The following KCTD15 variants were observed in gnomAD, a reference collection of about 807,000 sequenced individuals.
KCTD15 encodes potassium channel tetramerization domain containing 15.
Under a neutral mutation model 27.2 loss-of-function variants are expected in KCTD15, and 11 were observed. The ratio of observed to expected loss-of-function variants is 0.41; its 90% CI spans 0.25 to 0.67. The LOEUF (loss-of-function observed/expected upper bound fraction) is 0.67, where lower values mean the gene tolerates loss of function less well. Ranked by LOEUF, KCTD15 falls within the 30% of genes least tolerant of loss-of-function variation. KCTD15 has a pLI of 0.35. For missense variants in KCTD15, 350 were observed against 409.3 expected, an observed-to-expected ratio of 0.86 and a Z score of 1.25; for synonymous variants, 163 against 176.0, an observed-to-expected ratio of 0.93 and a Z score of 0.58.
rs111945028 is a variant in KCTD15, at chr19:33,806,793, G to A, written c.243-70G>A. 4.2e-5 allele frequency: 66 copies of A among 1,557,534 alleles called. 2 individuals carry two copies. In the African/African-American group the frequency reaches 6.1e-4, roughly 14 times the overall value. On this transcript the variant is annotated intron_variant, in intron 4 of 6. Transcript: ENST00000683859. Reference sequence around the variant, plus strand: ...GCCGTGTGGGCCCTCAGGAGTGGGGGCGGGGTGTGGGAAGACAGGCAGACT... The same window carrying A: ...GCCGTGTGGGCCCTCAGGAGTGGGGACGGGGTGTGGGAAGACAGGCAGACT...
chr19:33,812,429 C>T (rs1975955088), intron 6 of KCTD15: 1 of 1,066,106 alleles, frequency 9.4e-7, no homozygotes, highest in East Asian at 6.9e-5. Context: ...AGGGAGGACA[C>T]TTGGGGCCAT....
chr19:33,812,371 G>A (rs1975951980), intron 6 of KCTD15: 3 of 1,026,610 alleles, frequency 2.9e-6, no homozygotes, highest in Non-Finnish European at 3.5e-6. Flanking sequence ...GCTGGTGGAT[G>A]CCTAGAGGCT....
chr19:33,801,457 G>A, intron 4 of KCTD15, 115 bp downstream of exon 4: 2 of 919,192 alleles, frequency 2.2e-6, no homozygotes, highest in Non-Finnish European at 3.2e-6. Context: ...AGGGTCTCCA[G>A]GGTGCACAAG....
upstream of KCTD15, among the ~76,000 whole-genome samples, chr19:33,794,771 T>C (rs1343029719): frequency 6.6e-6 from 1 of 152,272 alleles, no homozygotes; most frequent in Non-Finnish European, 1.5e-5. Flanking sequence ...TTTCTATTTG[T>C]GTCTGGTCCC....
intron 4 of KCTD15, chr19:33,801,652 G>A (rs1264977381): frequency 3.6e-6 from 1 of 275,302 alleles, no homozygotes; most frequent in Non-Finnish European, 6.8e-6. Context: ...CAGCGGGCAG[G>A]GGAGTCTCAC....
chr19:33,808,691 CT>C (rs1218034280), intron 5 of KCTD15, among the ~76,000 whole-genome samples: 1 of 117,142 alleles, frequency 8.5e-6, no homozygotes, highest in Non-Finnish European at 1.7e-5. Context: ...ATCTCTCTGG[CT>C]GTTGGGTGGG....
intron 1 of KCTD15, among the ~76,000 whole-genome samples, chr19:33,797,573 G>A (rs1975379801): frequency 6.6e-6 from 1 of 152,110 alleles, no homozygotes; most frequent in African/African-American, 2.4e-5. Context: ...GGCCGCGATG[G>A]GAGGGATCGC....
At chr19:33,800,302 G>A (rs937334458) in intron 2 of KCTD15, 126 bp from the exon 3 acceptor site, 5 of 719,828 alleles carry the variant, frequency 6.9e-6, no homozygotes, top group African/African-American at 5.2e-5. Flanking sequence ...GTCAATCAGG[G>A]AGGGCTGCAT....
At chr19:33,806,481 TG>T (rs1339433727) in intron 4 of KCTD15, among the ~76,000 whole-genome samples, 1 of 152,142 alleles carries the variant, frequency 6.6e-6, no homozygotes, top group Admixed American at 6.5e-5. Flanking sequence ...ATTTTCTGGG[TG>T]GGTCTATCTG....
chr19:33,810,157 G>A (rs529276645), intron 5 of KCTD15, among the ~76,000 whole-genome samples: 30 of 152,326 alleles, frequency 2.0e-4, no homozygotes, highest in Non-Finnish European at 2.4e-4. Flanking sequence ...GGGTGTGTGT[G>A]AGCGTGTATA....
At chr19:33,805,314 T>C (rs1001778341) in intron 4 of KCTD15, among the ~76,000 whole-genome samples, 2 of 152,134 alleles carry the variant, frequency 1.3e-5, no homozygotes, top group African/African-American at 2.4e-5. Flanking sequence ...GGCTGATGCA[T>C]TGAGTGTGCT....
intron 2 of KCTD15, 117 bp from the exon 3 acceptor site, chr19:33,800,311 A>T: frequency 1.3e-6 from 1 of 796,552 alleles, no homozygotes; most frequent in Non-Finnish European, 2.1e-6. Flanking sequence ...GGAGGGCTGC[A>T]TGGACCTCGC....
At position 33,814,341 on chromosome 19, in the gene KCTD15, C is replaced by T. The variant is rs188912135; in HGVS notation, c.*1393C>T. The T allele has an allele frequency of 1.3e-5, 2 of 152,358 alleles. No individual in the cohort carries two copies. Among genetic ancestry groups the T allele is most frequent in the Admixed American group, 1.3e-4 (2 of 15,286 alleles). The allele number at this position is 152,358 out of a possible 1,614,324, so 9.4% of individuals were successfully genotyped here. A position where few individuals can be genotyped will look rare whatever the true frequency, so the allele number is the denominator to read the frequency against. ...GGCGGAACGGATTCCTCCCTTGGAT[C>T]CTTCAGTTCCCATCGAGGAATAACC... On this transcript the variant is annotated 3_prime_UTR_variant, in exon 7 of 7. Transcript: ENST00000683859.
At chr19:33,808,051 G>A (rs1975769324) in intron 5 of KCTD15, among the ~76,000 whole-genome samples, 1 of 152,262 alleles carries the variant, frequency 6.6e-6, no homozygotes, top group Non-Finnish European at 1.5e-5. Flanking sequence ...AGGTCTCCGG[G>A]TGAGCCCGTC....
chr19:33,801,641 GCAGCGGGCAGGGGAGTCTCACGT>G, intron 4 of KCTD15: 1 of 293,194 alleles, frequency 3.4e-6, no homozygotes, highest in African/African-American at 2.2e-5. Context: ...GAGCCTGCCG[GCAGCGGGCAGGGGAGTCTCACGT>G]ACCTTCAAGG....
rs1975666975 is a variant in KCTD15 at position 33,804,927 on chromosome 19, C to CT, written c.243-1932dup. 2.0e-5 allele frequency among the ~76,000 whole-genome samples: 3 copies of CT among 152,134 alleles called. No individual in the cohort carries two copies. In the South Asian group the frequency reaches 6.2e-4, roughly 32 times the overall value. On this transcript the variant is annotated intron_variant, in intron 4 of 6. Transcript: ENST00000683859. ...TGCCCATCCACGAGACAGCCTTGCC[C>CT]TTTTCTTTCTTTCTTTTAAGCGACA...
rs765299300 is a variant in KCTD15 at position 33,813,032 on chromosome 19, G to T, written c.*84G>T. ...TCTGCCTGTGTATACTTGGCCGTGG[G>T]CATGAGACCGAGGGTGAGGCTGGAG... is the stretch of plus-strand genomic sequence containing the variant. On this transcript the variant is annotated 3_prime_UTR_variant, in exon 7 of 7. Coordinates refer to ENST00000683859, the MANE Select transcript of KCTD15 (RefSeq NM_001129994.2). 5.1e-6 allele frequency: 7 copies of T among 1,385,136 alleles called. No individual in the cohort carries two copies. Among genetic ancestry groups the T allele is most frequent in the African/African-American group, 1.4e-5 (1 of 70,154 alleles). 85.8% of individuals were successfully genotyped at this position (1,385,136 alleles called of 1,614,324 possible).
chr19:33,802,049 A>G (rs1197071347), intron 4 of KCTD15, among the ~76,000 whole-genome samples: 1 of 152,034 alleles, frequency 6.6e-6, no homozygotes, highest in Admixed American at 6.5e-5. Context: ...TGGGCCTGCG[A>G]GAGGTTTGGG....
chr19:33,797,845 A>G (rs1975392389), intron 1 of KCTD15, among the ~76,000 whole-genome samples: 1 of 152,320 alleles, frequency 6.6e-6, no homozygotes, highest in South Asian at 2.1e-4. Context: ...CGGCAACAAT[A>G]AACTTTGAGA....
Sources: allele counts gnomAD v4.1 joint callset (sites outside exome capture counted in the v4.1 genomes callset), GRCh38; gene constraint gnomAD v4.1.1; transcripts MANE v1.5; gene names NCBI Gene and HGNC (gene_info 2026-07-23, HGNC 2026-07-21).